Variants in ASIP observed in about 807,000 individuals in gnomAD.
ASIP encodes agouti signaling protein, also known as agouti-signaling protein.
ASIP carries 11 observed loss-of-function variants against 10.3 expected under a neutral mutation model. That is an observed-to-expected ratio of 1.07 (90% confidence interval 0.68 to 1.78). The LOEUF (loss-of-function observed/expected upper bound fraction) is 1.78. ASIP is among the 40% of genes most tolerant of loss of function. The pLI, the probability that ASIP is intolerant of heterozygous loss-of-function variation, is 0.00. For missense variants in ASIP, 180 were observed against 169.2 expected, an observed-to-expected ratio of 1.06 and a Z score of -0.35; for synonymous variants, 70 against 70.8, an observed-to-expected ratio of 0.99 and a Z score of 0.06.
chr20:34,250,617 G>A (rs2035458682), intron 1 of ASIP, among the ~76,000 whole-genome samples: 1 of 152,154 alleles, frequency 6.6e-6, no homozygotes, highest in African/African-American at 2.4e-5. Flanking sequence ...GGTCAACATG[G>A]TGAAACCCGA....
chr20:34,254,442 A>T (rs2035535300), intron 1 of ASIP, among the ~76,000 whole-genome samples: 1 of 152,238 alleles, frequency 6.6e-6, no homozygotes, highest in African/African-American at 2.4e-5. Flanking sequence ...GTACAGATCC[A>T]AAAACGTTTA....
chr20:34,237,183 C>CT (rs1443620566), upstream of ASIP, among the ~76,000 whole-genome samples: 1 of 151,924 alleles, frequency 6.6e-6, no homozygotes, highest in Non-Finnish European at 1.5e-5. Context: ...CAGCTTTATT[C>CT]TTTTTCAAGA....
Position 34,269,145 on chromosome 20 carries a change from G to T in ASIP, c.377G>T (p.Arg126Leu). 6.5e-7 allele frequency: 1 copy of T among 1,547,578 alleles called. No homozygotes were observed. The highest frequency in any genetic ancestry group is 2.0e-5 in the Admixed American group (1 of 51,152). The change falls in exon 4 of 4, where the codon CGC becomes CTC. Residue 126 changes from arginine (R) to leucine (L), a missense_variant. By Grantham distance (102) the Arg-to-Leu change is moderately radical (BLOSUM62 -2). Coordinates refer to ENST00000374954, the MANE Select transcript of ASIP (RefSeq NM_001672.3). The part of the protein sequence containing the change: ...CRFFRSACSC[R>L]VLSLNC ...TTCTTCCGCAGCGCCTGCTCCTGCC[G>T]CGTGCTCAGCCTCAACTGCTGAGCG...
intron 1 of ASIP, chr20:34,215,429 C>A: frequency 6.5e-7 from 1 of 1,532,416 alleles, no homozygotes; most frequent in South Asian, 1.1e-5. Flanking sequence ...ACATCACGAT[C>A]CACCAACTCT....
At chr20:34,242,602 C>T (rs938137401) in intron 1 of ASIP, among the ~76,000 whole-genome samples, 2 of 152,204 alleles carry the variant, frequency 1.3e-5, no homozygotes, top group African/African-American at 2.4e-5. Context: ...AAACAAACAA[C>T]AAAACAAAAC....
At chr20:34,232,984 C>T (rs891661106) in intron 1 of ASIP, among the ~76,000 whole-genome samples, 9 of 152,092 alleles carry the variant, frequency 5.9e-5, no homozygotes, top group Non-Finnish European at 1.2e-4. Flanking sequence ...TGGAGTTTAA[C>T]GTGTTCTCCC....
chr20:34,201,040 C>CTT (rs1177426697), intron 1 of ASIP, among the ~76,000 whole-genome samples: 3 of 108,050 alleles, frequency 2.8e-5, no homozygotes, highest in Non-Finnish European at 5.6e-5. Flanking sequence ...TTCTTTCTTT[C>CTT]TTTCTTTCTT....
upstream of ASIP, among the ~76,000 whole-genome samples, chr20:34,238,562 G>C (rs528571472): frequency 1.3e-5 from 2 of 151,736 alleles, no homozygotes; most frequent in East Asian, 3.9e-4. Flanking sequence ...GCTTGTACTT[G>C]TTTTTTTCAC....
rs1309479848 is a variant in ASIP, at chr20:34,243,203, C to T, written c.-11+1714C>T. Among the ~76,000 whole-genome samples, 4 of 152,348 alleles carry T rather than the reference C, an allele frequency of 2.6e-5. No homozygotes were observed. The East Asian group carries it at 5.8e-4, about 22-fold the overall frequency. Reference sequence around the variant, plus strand: ...TTTGTCCCTTGAGAAGGGACACAGCCTCAAGTCTTCTCTCAAGTTCTAACT... The same window carrying T: ...TTTGTCCCTTGAGAAGGGACACAGCTTCAAGTCTTCTCTCAAGTTCTAACT... On this transcript the variant is annotated intron_variant, in intron 1 of 3. Coordinates refer to ENST00000374954, the MANE Select transcript of ASIP (RefSeq NM_001672.3).
chr20:34,188,639 G>T, the ASIP span, among the ~76,000 whole-genome samples: 3 of 152,174 alleles, frequency 2.0e-5, no homozygotes, highest in East Asian at 5.8e-4. Flanking sequence ...TTCTGTTTAT[G>T]AAAAATGACA....
chr20:34,260,420 T>C lies in ASIP; in HGVS notation c.46T>C (p.Cys16Arg). The C allele has an allele frequency of 6.2e-7, 1 of 1,614,150 alleles. No individual in the cohort carries two copies. The change falls in exon 2 of 4, where the codon TGC becomes CGC. Residue 16 changes from cysteine to arginine, a missense_variant. Coordinates refer to ENST00000374954, the MANE Select transcript of ASIP (RefSeq NM_001672.3). ...LLLATLLVFL[C>R]FFTANSHLPP... is the part of the protein sequence containing the mutation. ...CCTGGCCACCCTGCTGGTCTTCCTC[T>C]GCTTCTTCACTGCCAACAGCCACCT... is the stretch of plus-strand genomic sequence containing the variant.
upstream of ASIP, among the ~76,000 whole-genome samples, chr20:34,237,131 T>C (rs996253518): frequency 6.6e-6 from 1 of 152,206 alleles, no homozygotes; most frequent in African/African-American, 2.4e-5. Context: ...TTGATTACTG[T>C]GGCTTTGTAG....
At chr20:34,208,383 C>A (rs1257959688) in intron 1 of ASIP, among the ~76,000 whole-genome samples, 1 of 152,114 alleles carries the variant, frequency 6.6e-6, no homozygotes, top group Non-Finnish European at 1.5e-5. Context: ...GAGACACAGT[C>A]TCCCTCTGTC....
chr20:34,194,662 T>G (rs1601566521), exon 1 of ASIP: 1 of 152,168 alleles, frequency 6.6e-6, no homozygotes, highest in Non-Finnish European at 1.5e-5. Context: ...AAACTACGTC[T>G]TGACTTCAGA....
chr20:34,226,540 G>T (rs976726777), intron 1 of ASIP, among the ~76,000 whole-genome samples: 2 of 152,078 alleles, frequency 1.3e-5, no homozygotes, highest in Admixed American at 6.6e-5. Context: ...TTTTAGTAGA[G>T]ACAGGGTTTT....
intron 1 of ASIP, among the ~76,000 whole-genome samples, chr20:34,195,565 A>G (rs2034850066): frequency 2.0e-5 from 3 of 152,204 alleles, no homozygotes; most frequent in South Asian, 4.1e-4. Flanking sequence ...TGGTGGGCCC[A>G]TTACAGCCCT....
intron 1 of ASIP, among the ~76,000 whole-genome samples, chr20:34,259,757 A>G (rs902676832): frequency 6.6e-6 from 1 of 152,056 alleles, no homozygotes; most frequent in African/African-American, 2.4e-5. Context: ...TCTAAAAAAA[A>G]AAAAATCCAG....
intron 1 of ASIP, among the ~76,000 whole-genome samples, chr20:34,235,899 A>AAGGAGGAGGGAGGGAAGAAAG (rs1491250719): frequency 1.5e-5 from 1 of 64,600 alleles, no homozygotes; most frequent in Non-Finnish European, 2.5e-5. Context: ...GGAAGGAAGG[A>AAGGAGGAGGGAGGGAAGAAAG]AAGGAAGGAA....
chr20:34,263,981 A>G (rs1421340741), intron 3 of ASIP, among the ~76,000 whole-genome samples: 1 of 152,142 alleles, frequency 6.6e-6, no homozygotes, highest in Non-Finnish European at 1.5e-5. Context: ...GACTTTTTAA[A>G]TTGGAAAATA....
Sources: gnomAD v4.1 joint callset for allele counts (sites outside exome capture counted in the v4.1 genomes callset) on GRCh38, gnomAD v4.1.1 for gene constraint, MANE v1.5 for transcripts, NCBI Gene and HGNC (gene_info 2026-07-23, HGNC 2026-07-21) for gene names.